The following SDK1 variants were observed in gnomAD, a reference collection of about 807,000 sequenced individuals.
The protein encoded by SDK1 is sidekick cell adhesion molecule 1, also known as protein sidekick-1.
A neutral mutation model predicts 245.5 loss-of-function variants in SDK1; 157 were observed. The observed-to-expected ratio is 0.64, with a 90% CI of 0.56 to 0.73. The LOEUF (loss-of-function observed/expected upper bound fraction) is 0.73. Ranked by LOEUF, SDK1 falls within the 30% of genes least tolerant of loss-of-function variation. The pLI is 0.00. For synonymous variants in SDK1, 1,647 were observed against 1,278.5 expected, an observed-to-expected ratio of 1.29 and a Z score of -6.15; for missense variants, 3,583 against 3,002.3, an observed-to-expected ratio of 1.19 and a Z score of -4.52.
intron 32 of SDK1, among the ~76,000 whole-genome samples, chr7:4,165,908 T>A (rs2128214331): frequency 6.6e-6 from 1 of 152,214 alleles, no homozygotes; most frequent in Non-Finnish European, 1.5e-5. Context: ...CACCTCAGCC[T>A]CCCCAGTGTC....
intron 1 of SDK1, among the ~76,000 whole-genome samples, chr7:3,381,652 C>G (rs935835142): frequency 3.2e-4 from 48 of 152,130 alleles, no homozygotes; most frequent in Admixed American, 2.0e-4. Flanking sequence ...TTGTATTTTC[C>G]AACGGAGGTG....
chr7:3,870,277 A>T (rs1194092914), intron 5 of SDK1, among the ~76,000 whole-genome samples: 1 of 152,072 alleles, frequency 6.6e-6, no homozygotes, highest in Non-Finnish European at 1.5e-5. Context: ...ATATAAAGTG[A>T]TTGCTACTTT....
chr7:4,050,994 A>G (rs1035960334), intron 18 of SDK1, among the ~76,000 whole-genome samples: 1 of 142,194 alleles, frequency 7.0e-6, no homozygotes, highest in Non-Finnish European at 1.5e-5. Context: ...TATATGTTAT[A>G]TATGTTATAT....
intron 5 of SDK1, among the ~76,000 whole-genome samples, chr7:3,876,465 C>T (rs1379149200): frequency 6.6e-6 from 1 of 152,142 alleles, no homozygotes. Context: ...ATATTTAAAT[C>T]TTTTTGTCCT....
chr7:3,530,042 T>C (rs1783287472), intron 1 of SDK1, among the ~76,000 whole-genome samples: 1 of 152,188 alleles, frequency 6.6e-6, no homozygotes. Flanking sequence ...TCTAAGAATG[T>C]AGTAACTAGA....
At chr7:3,613,772 A>G (rs532615851) in intron 1 of SDK1, among the ~76,000 whole-genome samples, 12 of 152,302 alleles carry the variant, frequency 7.9e-5, no homozygotes, top group Non-Finnish European at 1.5e-4. Flanking sequence ...TGGTACATAT[A>G]CACCATGGAA....
intron 38 of SDK1, among the ~76,000 whole-genome samples, chr7:4,212,409 C>A (rs1784555928): frequency 6.6e-6 from 1 of 151,484 alleles, no homozygotes; most frequent in Non-Finnish European, 1.5e-5. Context: ...ATGTGAAAAT[C>A]CGAGAAAGAA....
At chr7:3,419,347 C>G (rs1343527588) in intron 1 of SDK1, among the ~76,000 whole-genome samples, 1 of 152,148 alleles carries the variant, frequency 6.6e-6, no homozygotes, top group Non-Finnish European at 1.5e-5. Context: ...ATGATAAAGT[C>G]AGTAATTAGG....
At chr7:3,890,253 G>A (rs1012386742) in intron 5 of SDK1, among the ~76,000 whole-genome samples, 5 of 152,156 alleles carry the variant, frequency 3.3e-5, no homozygotes, top group Admixed American at 2.6e-4. Flanking sequence ...CATGGTAGGC[G>A]CTAGCCACAT....
At chr7:3,778,878 G>C (rs192603949) in intron 4 of SDK1, among the ~76,000 whole-genome samples, 70 of 152,290 alleles carry the variant, frequency 4.6e-4, no homozygotes, top group African/African-American at 1.3e-3. Flanking sequence ...ACTCAGGTGG[G>C]AGACTAGCTG....
intron 40 of SDK1, chr7:4,232,892 A>G (rs1785887279): frequency 6.1e-6 from 1 of 163,166 alleles, no homozygotes; most frequent in Admixed American, 6.2e-5. Context: ...TAAATTTATT[A>G]ATGGCTTTAA....
At chr7:3,970,863 T>C (rs1263716142) in intron 11 of SDK1, among the ~76,000 whole-genome samples, 1 of 152,204 alleles carries the variant, frequency 6.6e-6, no homozygotes, top group Non-Finnish European at 1.5e-5. Flanking sequence ...AGTTCTGGGC[T>C]CTGTTCCTGG....
intron 4 of SDK1, among the ~76,000 whole-genome samples, chr7:3,779,381 G>A (rs1780657336): frequency 6.6e-6 from 1 of 152,038 alleles, no homozygotes; most frequent in African/African-American, 2.4e-5. Flanking sequence ...AACGTATTCT[G>A]AGACAGATGG....
At chr7:4,137,100 G>A (rs1389925050) in intron 28 of SDK1, among the ~76,000 whole-genome samples, 2 of 152,232 alleles carry the variant, frequency 1.3e-5, no homozygotes, top group South Asian at 2.1e-4. Context: ...CTCAGACAAT[G>A]CCTTTTGTTT....
At chr7:3,588,509 G>A (rs1490431460) in intron 1 of SDK1, among the ~76,000 whole-genome samples, 1 of 152,188 alleles carries the variant, frequency 6.6e-6, no homozygotes, top group Non-Finnish European at 1.5e-5. Flanking sequence ...AGGTGTGAGA[G>A]GATGTTGAAT....
At chr7:4,232,365 T>C (rs1360999926) in intron 40 of SDK1, among the ~76,000 whole-genome samples, 7 of 76,998 alleles carry the variant, frequency 9.1e-5, no homozygotes, top group Admixed American at 6.4e-4. Flanking sequence ...TTTTTCTTTC[T>C]TTTTTTTTTT....
chr7:3,952,010 T>A, intron 7 of SDK1, 90 bp downstream of exon 7: 1 of 1,224,826 alleles, frequency 8.2e-7, no homozygotes, highest in Non-Finnish European at 1.1e-6. Flanking sequence ...CGTATTTCAG[T>A]GGCTTTATTT....
At chr7:3,436,116 A>T (rs549461994) in intron 1 of SDK1, among the ~76,000 whole-genome samples, 2 of 152,330 alleles carry the variant, frequency 1.3e-5, no homozygotes, top group Non-Finnish European at 2.9e-5. Flanking sequence ...TATGGTTCTT[A>T]ATTGTAACAT....
rs144972743 is a variant in SDK1, at chr7:3,527,121, A to G, written c.299-91959A>G. Among the ~76,000 whole-genome samples the G allele has an allele frequency of 5.3e-5, 8 of 152,324 alleles. No homozygotes were observed. The East Asian group carries it at 1.3e-3, about 26-fold the overall frequency. On this transcript the variant is annotated intron_variant, in intron 1 of 44. Coordinates refer to ENST00000404826, the MANE Select transcript of SDK1 (RefSeq NM_152744.4). ...AGTGAGCACATATCTTCTGATAATT[A>G]TATTTCTCTTTTATAAAATGTTTTA...
Sources: allele counts gnomAD v4.1 joint callset (sites outside exome capture counted in the v4.1 genomes callset), GRCh38; gene constraint gnomAD v4.1.1; transcripts MANE v1.5; gene names NCBI Gene and HGNC (gene_info 2026-07-23, HGNC 2026-07-21).